Variants in DIAPH2 observed in about 807,000 individuals in gnomAD.
DIAPH2 encodes diaphanous related formin 2.
DIAPH2 carries 35 observed loss-of-function variants against 92.7 expected under a neutral mutation model. The observed-to-expected ratio is 0.38, with a 90% CI of 0.29 to 0.50. The LOEUF (loss-of-function observed/expected upper bound fraction) is 0.50. Ranked by LOEUF, DIAPH2 falls within the 20% of genes least tolerant of loss-of-function variation. The pLI is 0.94. For synonymous variants in DIAPH2, 301 were observed against 280.4 expected, an observed-to-expected ratio of 1.07 and a Z score of -0.73; for missense variants, 701 against 819.5, an observed-to-expected ratio of 0.86 and a Z score of 1.77.
intron 22 of DIAPH2, among the ~76,000 whole-genome samples, chrX:97,170,298 A>G (rs2067442474): frequency 8.9e-6 from 1 of 111,866 alleles, no homozygotes; most frequent in Admixed American, 9.5e-5. Context: ...CTGGTGTGTG[A>G]TCCATGACAT....
At chrX:96,913,686 C>T (rs888995571) in intron 7 of DIAPH2, among the ~76,000 whole-genome samples, 5 of 110,897 alleles carry the variant, frequency 4.5e-5, no homozygotes, top group African/African-American at 1.6e-4. Context: ...TGAGATTTCT[C>T]TTTCTTTTAT....
chrX:96,847,375 T>C (rs1266781680), intron 4 of DIAPH2, among the ~76,000 whole-genome samples: 1 of 112,028 alleles, frequency 8.9e-6, no homozygotes, highest in Non-Finnish European at 1.9e-5. Context: ...ATCTGTGAGC[T>C]TGGAACCAGG....
intron 24 of DIAPH2, among the ~76,000 whole-genome samples, chrX:97,362,845 A>G (rs1052152574): frequency 1.8e-5 from 2 of 112,700 alleles, no homozygotes; most frequent in African/African-American, 6.4e-5. Flanking sequence ...GACAGTGGCT[A>G]AAAGGTTTCA....
chrX:97,069,076 C>A (rs2066652120), intron 17 of DIAPH2, among the ~76,000 whole-genome samples: 2 of 111,188 alleles, frequency 1.8e-5, no homozygotes, highest in Middle Eastern at 4.6e-3. Flanking sequence ...GATTCTCCTG[C>A]CTCAGCCTCC....
chrX:97,585,453 C>T (rs2071473494), intron 26 of DIAPH2, among the ~76,000 whole-genome samples: 2 of 110,279 alleles, frequency 1.8e-5, no homozygotes, highest in Admixed American at 1.9e-4. Context: ...TGAGTAGTGC[C>T]TTTCATCACA....
At chrX:96,856,953 C>T (rs996649071) in intron 4 of DIAPH2, among the ~76,000 whole-genome samples, 1 of 109,754 alleles carries the variant, frequency 9.1e-6, no homozygotes, top group Non-Finnish European at 1.9e-5. Context: ...GCAAGAGAAT[C>T]GCTTGAACCC....
chrX:97,177,181 T>A (rs968693935), intron 22 of DIAPH2, among the ~76,000 whole-genome samples: 1 of 111,175 alleles, frequency 9.0e-6, no homozygotes, highest in Non-Finnish European at 1.9e-5. Context: ...AGGTTTTGGG[T>A]AGTTTCCTGT....
chrX:97,160,742 G>A (rs142383181), intron 22 of DIAPH2, among the ~76,000 whole-genome samples: 197 of 111,558 alleles, frequency 1.8e-3, no homozygotes, highest in African/African-American at 6.4e-3. Context: ...CCATTTTTAG[G>A]TATGCTAGTT....
intron 26 of DIAPH2, among the ~76,000 whole-genome samples, chrX:97,568,463 G>GAA (rs2071343424): frequency 9.0e-6 from 1 of 111,487 alleles, no homozygotes; most frequent in Non-Finnish European, 1.9e-5. Flanking sequence ...TTAACTCTGA[G>GAA]AAAGTTTTCT....
chrX:96,736,135 C>T (rs1222982358), intron 2 of DIAPH2, among the ~76,000 whole-genome samples: 2 of 111,019 alleles, frequency 1.8e-5, no homozygotes, highest in African/African-American at 6.5e-5. Context: ...AATTAATTTC[C>T]ATTAGAAAGG....
At chrX:97,257,448 C>A (rs1476133439) in intron 23 of DIAPH2, among the ~76,000 whole-genome samples, 1 of 111,400 alleles carries the variant, frequency 9.0e-6, no homozygotes, top group African/African-American at 3.3e-5. Context: ...TGAGAGGTAA[C>A]GGTAACAAAC....
chrX:97,279,144 G>A (rs899373777), intron 23 of DIAPH2, among the ~76,000 whole-genome samples: 1 of 111,228 alleles, frequency 9.0e-6, no homozygotes, highest in African/African-American at 3.3e-5. Context: ...ACTTGGACTA[G>A]AAATCTAGTC....
At chrX:97,115,610 G>T (rs1482472389) in intron 21 of DIAPH2, among the ~76,000 whole-genome samples, 1 of 111,508 alleles carries the variant, frequency 9.0e-6, no homozygotes, top group East Asian at 2.8e-4. Flanking sequence ...GTTCTAAAAA[G>T]TATCTGACAA....
intron 23 of DIAPH2, among the ~76,000 whole-genome samples, chrX:97,307,353 G>A (rs1334600967): frequency 1.8e-5 from 2 of 111,546 alleles, no homozygotes; most frequent in Non-Finnish European, 3.8e-5. Context: ...TGTACCCTTT[G>A]TCTGAAACAC....
At chrX:97,035,184 A>G (rs1250697400) in intron 17 of DIAPH2, among the ~76,000 whole-genome samples, 3 of 111,499 alleles carry the variant, frequency 2.7e-5, no homozygotes, top group Admixed American at 9.5e-5. Flanking sequence ...CATGTACTGG[A>G]CACACTAGGG....
intron 25 of DIAPH2, among the ~76,000 whole-genome samples, chrX:97,422,964 A>G (rs1411575838): frequency 1.8e-5 from 2 of 111,780 alleles, no homozygotes; most frequent in East Asian, 5.6e-4. Flanking sequence ...TTATTCATTC[A>G]TGATACAGCA....
chrX:97,137,183 A>G (rs2067175860), intron 21 of DIAPH2, among the ~76,000 whole-genome samples: 1 of 102,118 alleles, frequency 9.8e-6, no homozygotes, highest in Admixed American at 1.1e-4. Flanking sequence ...CTTGCACCTA[A>G]CTCTAGCAAA....
chrX:97,180,157 A>G (rs2067527384), intron 22 of DIAPH2, among the ~76,000 whole-genome samples: 2 of 112,305 alleles, frequency 1.8e-5, no homozygotes, highest in African/African-American at 6.5e-5. Context: ...ACAACGGTTG[A>G]ACTAATTTAC....
At chrX:96,959,154 G>A (rs2065831502) in intron 16 of DIAPH2, among the ~76,000 whole-genome samples, 1 of 111,262 alleles carries the variant, frequency 9.0e-6, no homozygotes. Context: ...CTGTTATTTA[G>A]GAGCATTATT....
Sources: allele counts gnomAD v4.1 joint callset (sites outside exome capture counted in the v4.1 genomes callset), GRCh38; gene constraint gnomAD v4.1.1; transcripts MANE v1.5; gene names NCBI Gene and HGNC (gene_info 2026-07-23, HGNC 2026-07-21).